Variants in SPEN observed in about 807,000 individuals in gnomAD.
SPEN encodes msx2-interacting protein.
SPEN carries 18 observed loss-of-function variants against 269.9 expected under a neutral mutation model. The observed-to-expected ratio is 0.07, with a 90% CI of 0.05 to 0.10. The LOEUF (loss-of-function observed/expected upper bound fraction) is 0.10. SPEN is among the 10% of genes least tolerant of loss of function. SPEN has a pLI of 1.00. For synonymous variants in SPEN, 1,726 were observed against 1,765.7 expected (o/e 0.98, Z 0.56); for missense variants, 3,822 against 4,631.2 (o/e 0.83, Z 5.07).
At position 15,934,346 on chromosome 1, in the gene SPEN, G is replaced by C; in HGVS notation, c.8106G>C (p.Gly2702=). The change falls in exon 11 of 15, where the codon GGG becomes GGC. Residue 2702 remains glycine (G), a synonymous_variant. Coordinates refer to ENST00000375759, the MANE Select transcript of SPEN (RefSeq NM_015001.3). This position sits in a 1 kb window ranked among gnomAD's most constrained non-coding sequence, Gnocchi z 9.2. The part of the protein sequence containing the change: ...VLKGPVNVLT[G]PVNVLTTPVN... ...AAGGGCCTGTGAATGTTCTTACGGG[G>C]CCAGTGAATGTTCTCACCACTCCAG... is the stretch of plus-strand genomic sequence containing the variant. 6.2e-7 allele frequency: 1 copy of C among 1,613,550 alleles called. No individual in the cohort carries two copies. The highest frequency in any genetic ancestry group is 8.5e-7 in the Non-Finnish European group (1 of 1,180,042).
Position 15,940,207 on chromosome 1 carries a change from T to G in SPEN, c.*780T>G, listed in dbSNP as rs544251350. 1 of 231,894 alleles carries G rather than the reference T, an allele frequency of 4.3e-6. No homozygotes were observed. Among genetic ancestry groups the G allele is most frequent in the African/African-American group, 2.2e-5 (1 of 45,290 alleles). The allele number at this position is 231,894 out of a possible 1,614,324, so 14.4% of individuals were successfully genotyped here. A position where few individuals can be genotyped will look rare whatever the true frequency, so the allele number is the denominator to read the frequency against. On this transcript the variant is annotated 3_prime_UTR_variant, in exon 15 of 15. Transcript: ENST00000375759. ...ATGTGTTTTCAGAGGAAATCTTATT[T>G]TCATATTCAGACTTTGTATTGCCCA...
rs1487428602 is a variant in SPEN, at chr1:15,928,801, G to T, written c.2561G>T (p.Cys854Phe). Residue 854 changes from cysteine to phenylalanine, a missense_variant, in exon 11 of 15, where the codon TGT becomes TTT. Around this residue, in one of 16 missense-constraint regions of SPEN, gnomAD observed 572 missense variants for 582.6 expected, o/e 0.98. Coordinates refer to ENST00000375759, the MANE Select transcript of SPEN (RefSeq NM_015001.3). This position sits in a 1 kb window ranked among gnomAD's most constrained non-coding sequence, Gnocchi z 5.7. ...REQSPEKPRS[C>F]NKLSREKADK... ...CAAAGCCCTGAAAAGCCCAGGAGTT[G>T]TAATAAACTGAGCAGAGAGAAAGCT... is the stretch of plus-strand genomic sequence containing the variant. 2 of 1,614,016 alleles carry T rather than the reference G, an allele frequency of 1.2e-6. No individual in the cohort carries two copies. The highest frequency in any genetic ancestry group is 1.7e-6 in the Non-Finnish European group (2 of 1,180,030).
At chr1:15,856,979 T>C (rs2070393972) in intron 1 of SPEN, among the ~76,000 whole-genome samples, 1 of 152,188 alleles carries the variant, frequency 6.6e-6, no homozygotes. Flanking sequence ...TACACAAAAG[T>C]GGACACAATA....
At chr1:15,894,417 A>G (rs2070818671) in intron 3 of SPEN, among the ~76,000 whole-genome samples, 1 of 152,142 alleles carries the variant, frequency 6.6e-6, no homozygotes, top group African/African-American at 2.4e-5. Flanking sequence ...AGGGTCCAGT[A>G]AAGCCCACCC....
intron 8 of SPEN, 39 bp from the exon 9 acceptor site, chr1:15,920,831 A>C: frequency 8.0e-7 from 1 of 1,251,654 alleles, no homozygotes; most frequent in Admixed American, 2.0e-5. Context: ...AGTCCAGTGG[A>C]TGAGGCTCTT....
intron 1 of SPEN, among the ~76,000 whole-genome samples, chr1:15,863,588 C>G (rs1248514531): frequency 6.6e-6 from 1 of 152,064 alleles, no homozygotes; most frequent in Non-Finnish European, 1.5e-5. Flanking sequence ...TACCTGTAAT[C>G]CCAGCACTTT....
Position 15,876,362 on chromosome 1 carries a change from C to T in SPEN, c.565C>T (p.Arg189Ter), listed in dbSNP as rs1307834195. ...TGGGCTCTATTACGCTTCTCGGAGT[C>T]GAAGTCCAAATCGCTTTGATGCTCA... ...QHGLYYASRSRSPNRFDAHDP... is the reference protein window; with the variant it reads ...QHGLYYASRS Residue 189 changes from arginine (R) to a stop codon, truncating the protein, a stop_gained, in exon 3 of 15, where the codon CGA (arginine) becomes TGA (stop). Coordinates refer to ENST00000375759, the MANE Select transcript of SPEN (RefSeq NM_015001.3). LOFTEE classifies it high-confidence loss of function. 6.2e-7 allele frequency: 1 copy of T among 1,613,870 alleles called. No homozygotes were observed. Among genetic ancestry groups the T allele is most frequent in the African/African-American group, 1.3e-5 (1 of 74,884 alleles).
At chr1:15,854,046 C>T (rs1036851754) in intron 1 of SPEN, among the ~76,000 whole-genome samples, 1 of 152,104 alleles carries the variant, frequency 6.6e-6, no homozygotes, top group Non-Finnish European at 1.5e-5. Context: ...AGTGATCTGC[C>T]TGCCTCTGCC....
chr1:15,855,859 T>C (rs1239701223), intron 1 of SPEN, among the ~76,000 whole-genome samples: 1 of 150,458 alleles, frequency 6.6e-6, no homozygotes, highest in East Asian at 1.9e-4. Context: ...CAAGACTCTG[T>C]CTCGAGAAAA....
At chr1:15,891,991 A>AATTAC (rs762913319) in intron 3 of SPEN, among the ~76,000 whole-genome samples, 146 of 146,726 alleles carry the variant, frequency 1.0e-3, no homozygotes, top group Non-Finnish European at 1.5e-3. Flanking sequence ...TTACTACATT[A>AATTAC]ATTACATCTG....
At chr1:15,910,986 A>G (rs2071007050) in intron 4 of SPEN, 115 bp from the exon 5 acceptor site, 2 of 822,406 alleles carry the variant, frequency 2.4e-6, no homozygotes, top group Non-Finnish European at 3.8e-6. Context: ...TTAGTATATT[A>G]CCTGTCTGAC....
rs551641349 is a variant in SPEN, at chr1:15,928,403, G to A, written c.2163G>A (p.Pro721=). ...SDRDRDHERR[P]IERSQSPVHL... The stretch of plus-strand genomic sequence containing the variant: ...GGGACAGAGACCATGAGAGGAGGCC[G>A]ATTGAACGAAGTCAAAGTCCTGTTC... The change falls in exon 11 of 15, where the codon CCG becomes CCA. Residue 721 remains proline, a synonymous_variant. Coordinates refer to ENST00000375759, the MANE Select transcript of SPEN (RefSeq NM_015001.3). This position sits in a 1 kb window ranked among gnomAD's most constrained non-coding sequence, Gnocchi z 5.7. 10 of 1,614,080 alleles carry A rather than the reference G, an allele frequency of 6.2e-6. No individual in the cohort carries two copies. Among genetic ancestry groups the A allele is most frequent in the Non-Finnish European group, 7.6e-6 (9 of 1,180,002 alleles).
intron 10 of SPEN, among the ~76,000 whole-genome samples, chr1:15,926,059 A>G (rs1458689183): frequency 1.3e-5 from 2 of 152,238 alleles, no homozygotes; most frequent in Admixed American, 6.5e-5. Flanking sequence ...TATCATAGAT[A>G]CACAATAAAA....
chr1:15,902,090 C>T (rs559523270), intron 3 of SPEN, among the ~76,000 whole-genome samples: 13 of 151,854 alleles, frequency 8.6e-5, no homozygotes, highest in Admixed American at 2.6e-4. Flanking sequence ...CACCACGCCC[C>T]GCTAATATTT....
rs1456722615 is a variant in SPEN, at chr1:15,930,165, T to C, written c.3925T>C (p.Phe1309Leu). The change falls in exon 11 of 15, where the codon TTT (phenylalanine) becomes CTT (leucine). Residue 1309 changes from phenylalanine (F) to leucine (L), a missense_variant. By Grantham distance (22) the Phe-to-Leu change is conservative. Coordinates refer to ENST00000375759, the MANE Select transcript of SPEN (RefSeq NM_015001.3). The surrounding 1 kb of genome is among the most constrained non-coding windows in gnomAD (Gnocchi z 5.3). ...NITVREESLKFNPYDSSRREQ... is the reference protein window; with the variant it reads ...NITVREESLKLNPYDSSRREQ... ...AACAGTCAGGGAAGAGTCTTTAAAA[T>C]TTAATCCTTATGATTCTAGCAGGAG... The C allele has an allele frequency of 6.2e-7, 1 of 1,614,038 alleles. No homozygotes were observed. Among genetic ancestry groups the C allele is most frequent in the Non-Finnish European group, 8.5e-7 (1 of 1,180,038 alleles).
chr1:15,876,704 C>T (rs754417136), intron 3 of SPEN, 26 bp downstream of exon 3: 2 of 1,526,728 alleles, frequency 1.3e-6, no homozygotes, highest in East Asian at 2.3e-5. Context: ...TTTGTTATAA[C>T]AGATGAGCTA....
At chr1:15,891,944 A>AATGAT (rs1310782057) in intron 3 of SPEN, among the ~76,000 whole-genome samples, 1 of 151,716 alleles carries the variant, frequency 6.6e-6, no homozygotes, top group African/African-American at 2.4e-5. Flanking sequence ...TACATGTTCA[A>AATGAT]ATGATATTTT....
At chr1:15,907,334 T>G (rs1024471586) in intron 3 of SPEN, among the ~76,000 whole-genome samples, 3 of 151,860 alleles carry the variant, frequency 2.0e-5, no homozygotes, top group Non-Finnish European at 4.4e-5. Flanking sequence ...ATATAAAAAA[T>G]AGCTGGGCAT....
rs1318231561 is a variant in SPEN, at chr1:15,935,860, G to A, written c.9620G>A (p.Ser3207Asn). The A allele has an allele frequency of 1.2e-6, 2 of 1,613,738 alleles. No homozygotes were observed. Among genetic ancestry groups the A allele is most frequent in the Non-Finnish European group, 1.7e-6 (2 of 1,179,992 alleles). The change falls in exon 11 of 15, where the codon AGC becomes AAC. Residue 3207 changes from serine to asparagine, a missense_variant. Physicochemically the swap from Ser to Asn is conservative, Grantham distance 46. Around this residue, in one of 16 missense-constraint regions of SPEN, gnomAD observed 359 missense variants for 377.3 expected, o/e 0.95. Transcript: ENST00000375759. This position sits in a 1 kb window ranked among gnomAD's most constrained non-coding sequence, Gnocchi z 7.7. Reference protein sequence around the residue: ...IMVHPHVTAVSEQPRAADGVV... With the variant: ...IMVHPHVTAVNEQPRAADGVV... The stretch of plus-strand genomic sequence containing the variant: ...GTGCATCCACATGTGACGGCAGTCA[G>A]CGAGCAGCCCAGGGCCGCGGATGGG...
Sources: allele counts gnomAD v4.1 joint callset (sites outside exome capture counted in the v4.1 genomes callset), GRCh38; gene constraint gnomAD v4.1.1; regional missense constraint gnomAD v4.1.1; non-coding constraint Gnocchi (gnomAD v3.1); transcripts MANE v1.5; gene names NCBI Gene and HGNC (gene_info 2026-07-23, HGNC 2026-07-21).